Variants in ZC3H11A observed in about 807,000 individuals in gnomAD.
The protein encoded by ZC3H11A is zinc finger CCCH domain-containing protein 11A.
Under a neutral mutation model 90.8 loss-of-function variants are expected in ZC3H11A, and 22 were observed. The observed-to-expected ratio is 0.24, with a 90% CI of 0.17 to 0.35. The LOEUF (loss-of-function observed/expected upper bound fraction) is 0.35, where lower values mean the gene tolerates loss of function less well. Ranked by LOEUF, ZC3H11A falls within the 10% of genes least tolerant of loss-of-function variation. ZC3H11A has a pLI of 1.00. For synonymous variants in ZC3H11A, 294 were observed against 339.8 expected (o/e 0.87, Z 1.48); for missense variants, 701 against 964.9 (o/e 0.73, Z 3.62).
chr1:203,799,389 C>T (rs1669811889), intron 1 of ZC3H11A: 3 of 703,236 alleles, frequency 4.3e-6, no homozygotes, highest in Non-Finnish European at 7.8e-6. Context: ...GGTCAAGGCC[C>T]GTCAGATACT....
chr1:203,799,767 C>A, intron 1 of ZC3H11A: 1 of 955,926 alleles, frequency 1.0e-6, no homozygotes, highest in Non-Finnish European at 1.6e-6. Flanking sequence ...ATCTCTGAAA[C>A]TTGAAACAGA....
At chr1:203,797,168 G>T in intron 1 of ZC3H11A, 1 of 167,264 alleles carries the variant, frequency 6.0e-6, no homozygotes, top group Non-Finnish European at 1.3e-5. Flanking sequence ...GAAGAACATG[G>T]ATCTGGGATT....
At chr1:203,840,761 G>A (rs1156509704) in intron 12 of ZC3H11A, among the ~76,000 whole-genome samples, 1 of 151,996 alleles carries the variant, frequency 6.6e-6, no homozygotes, top group African/African-American at 2.4e-5. Context: ...AGCCTACCGA[G>A]TAGCTAGAAT....
At chr1:203,830,459 C>T (rs1305104636) in intron 8 of ZC3H11A, among the ~76,000 whole-genome samples, 1 of 152,154 alleles carries the variant, frequency 6.6e-6, no homozygotes, top group Non-Finnish European at 1.5e-5. Flanking sequence ...CTCTGAAGAA[C>T]ATCATATAAG....
At chr1:203,799,399 T>G (rs1202485197) in intron 1 of ZC3H11A, 3 of 703,214 alleles carry the variant, frequency 4.3e-6, no homozygotes, top group Non-Finnish European at 7.8e-6. Flanking sequence ...CGTCAGATAC[T>G]GCAAGAGTTC....
At chr1:203,843,996 T>C (rs1687192785) in intron 12 of ZC3H11A, among the ~76,000 whole-genome samples, 1 of 151,798 alleles carries the variant, frequency 6.6e-6, no homozygotes, top group African/African-American at 2.4e-5. Flanking sequence ...TAGCTGGGAT[T>C]ACAGGCATGC....
intron 17 of ZC3H11A, among the ~76,000 whole-genome samples, 184 bp from the exon 18 acceptor site, chr1:203,851,957 A>T (rs1689396354): frequency 9.2e-6 from 1 of 108,204 alleles, no homozygotes; most frequent in Non-Finnish European, 1.7e-5. Flanking sequence ...TGACAAAGGG[A>T]GACTCTGCCT....
At chr1:203,846,734 C>T (rs1024931469) in intron 12 of ZC3H11A, among the ~76,000 whole-genome samples, 6 of 152,180 alleles carry the variant, frequency 3.9e-5, no homozygotes, top group Non-Finnish European at 8.8e-5. Context: ...TAGTAAATGG[C>T]TTTCAGTTTC....
intron 1 of ZC3H11A, chr1:203,797,396 A>G (rs1380379784): frequency 2.3e-6 from 2 of 878,620 alleles, no homozygotes; most frequent in Non-Finnish European, 3.3e-6. Flanking sequence ...TTATTGGTCC[A>G]GTGGGAATTT....
chr1:203,825,403 T>C (rs919727617), intron 4 of ZC3H11A, among the ~76,000 whole-genome samples: 9 of 151,464 alleles, frequency 5.9e-5, no homozygotes, highest in African/African-American at 2.2e-4. Context: ...GACATAATTA[T>C]GTAGGAGAAA....
At chr1:203,806,421 C>G (rs1407101767) in intron 2 of ZC3H11A, among the ~76,000 whole-genome samples, 1 of 152,120 alleles carries the variant, frequency 6.6e-6, no homozygotes, top group East Asian at 1.9e-4. Context: ...CCTGCCTCAG[C>G]CTGCTGAGTA....
At chr1:203,830,329 C>T in intron 8 of ZC3H11A, 126 bp downstream of exon 8, 2 of 743,614 alleles carry the variant, frequency 2.7e-6, no homozygotes. Context: ...TGAAGTAAAA[C>T]ACAGACTTAT....
At chr1:203,797,450 G>T in intron 1 of ZC3H11A, 24 of 1,351,926 alleles carry the variant, frequency 1.8e-5, no homozygotes, top group Non-Finnish European at 2.2e-5. Context: ...AAGTAGAGAG[G>T]AACAGCTGTA....
chr1:203,850,148 A>T (rs1436174435), intron 15 of ZC3H11A, 122 bp downstream of exon 15: 1 of 809,938 alleles, frequency 1.2e-6, no homozygotes, highest in African/African-American at 1.8e-5. Flanking sequence ...ATCCACAGGT[A>T]GATAGTAATA....
intron 2 of ZC3H11A, among the ~76,000 whole-genome samples, chr1:203,808,847 T>G (rs1673273916): frequency 6.6e-6 from 1 of 152,118 alleles, no homozygotes; most frequent in Non-Finnish European, 1.5e-5. Context: ...TTTATTTTCT[T>G]GAGAAGGCGT....
At chr1:203,815,813 ATCT>A (rs1257384282) in intron 2 of ZC3H11A, among the ~76,000 whole-genome samples, 2 of 152,116 alleles carry the variant, frequency 1.3e-5, no homozygotes, top group Non-Finnish European at 2.9e-5. Flanking sequence ...CTGAAACCTG[ATCT>A]TCTGGTATGT....
chr1:203,850,763 C>G, intron 16 of ZC3H11A, 82 bp downstream of exon 16: 1 of 1,523,688 alleles, frequency 6.6e-7, no homozygotes, highest in Non-Finnish European at 8.9e-7. Context: ...AGCATTCTAT[C>G]TTGAGTATAT....
intron 4 of ZC3H11A, among the ~76,000 whole-genome samples, chr1:203,826,854 C>T (rs1680691265): frequency 6.6e-6 from 1 of 152,076 alleles, no homozygotes; most frequent in Non-Finnish European, 1.5e-5. Context: ...AGTGCAAAAT[C>T]GTAATCTTAC....
rs769439350 is a variant in ZC3H11A, at chr1:203,840,367, T to C, written c.1035T>C (p.Asp345=). The C allele has an allele frequency of 4.3e-6, 7 of 1,612,600 alleles. No individual in the cohort carries two copies. Among genetic ancestry groups the C allele is most frequent in the Non-Finnish European group, 5.9e-6 (7 of 1,179,158 alleles). ...TGTCAGCTGATCCAGATAATGAGGA[T>C]GCAACAGGTAAGTAAATCCTAAGAC... The part of the protein sequence containing the change: ...LGMSADPDNE[D]ATDKVNKVGE... Residue 345 remains aspartate (D), a synonymous_variant, in exon 12 of 18, where the codon GAT becomes GAC. Coordinates refer to ENST00000367210, the MANE Select transcript of ZC3H11A (RefSeq NM_001376342.1).
Sources: allele counts gnomAD v4.1 joint callset (sites outside exome capture counted in the v4.1 genomes callset), GRCh38; gene constraint gnomAD v4.1.1; transcripts MANE v1.5; gene names NCBI Gene and HGNC (gene_info 2026-07-23, HGNC 2026-07-21).